The following SDK2 variants were observed in gnomAD, a reference collection of about 807,000 sequenced individuals.
SDK2 encodes the protein sidekick cell adhesion molecule 2, also known as protein sidekick-2.
SDK2 carries 105 observed loss-of-function variants against 253.9 expected under a neutral mutation model. The observed-to-expected ratio is 0.41, with a 90% CI of 0.35 to 0.49. The LOEUF (loss-of-function observed/expected upper bound fraction) is 0.49, where lower values mean the gene tolerates loss of function less well. Ranked by LOEUF, SDK2 falls within the 20% of genes least tolerant of loss-of-function variation. The pLI, the probability that SDK2 is intolerant of heterozygous loss-of-function variation, is 0.06. For synonymous variants in SDK2, 1,249 were observed against 1,234.9 expected (o/e 1.01, Z -0.24); for missense variants, 2,608 against 3,003.0 (o/e 0.87, Z 3.07).
At chr17:73,497,003 T>C (rs2063846720) in intron 2 of SDK2, among the ~76,000 whole-genome samples, 1 of 152,192 alleles carries the variant, frequency 6.6e-6, no homozygotes, top group Non-Finnish European at 1.5e-5. Flanking sequence ...TTCAAGTAAT[T>C]CTCCTGCCTC....
At chr17:73,423,723 T>C (rs1004834428) in intron 13 of SDK2, among the ~76,000 whole-genome samples, 193 bp downstream of exon 13, 1 of 152,184 alleles carries the variant, frequency 6.6e-6, no homozygotes, top group Admixed American at 6.5e-5. Context: ...CACACCCCCC[T>C]GCTCTTGACG....
In SDK2 at chr17:73,609,584, G is replaced by GGAGCCTT. The variant is rs2045949097; in HGVS notation, c.64+34440_64+34441insAAGGCTC. Among the ~76,000 whole-genome samples the GGAGCCTT allele has an allele frequency of 6.6e-6, 1 of 152,174 alleles. No individual in the cohort carries two copies. Among genetic ancestry groups the GGAGCCTT allele is most frequent in the Non-Finnish European group, 1.5e-5 (1 of 68,032 alleles). On this transcript the variant is annotated intron_variant, in intron 1 of 44. Transcript: ENST00000392650. The surrounding 1 kb of genome is among the most constrained non-coding windows in gnomAD (Gnocchi z 4.4). ...AAAGACATGCAGTGGAAGCTGACAG[G>GGAGCCTT]GAAAACGGCTCAAGAGAAGGTTTGT...
chr17:73,628,417 G>A (rs1293256482), intron 1 of SDK2, among the ~76,000 whole-genome samples: 1 of 152,250 alleles, frequency 6.6e-6, no homozygotes, highest in East Asian at 1.9e-4. Context: ...TGAGAGGATT[G>A]GAGGGGCAGA....
Position 73,643,997 on chromosome 17 carries a change from C to G in SDK2, c.64+28G>C. The G allele has an allele frequency of 1.3e-6, 2 of 1,531,978 alleles. No homozygotes were observed. Among genetic ancestry groups the G allele is most frequent in the South Asian group, 1.2e-5 (1 of 83,464 alleles). The allele number at this position is 1,531,978 out of a possible 1,614,324, so 94.9% of individuals were successfully genotyped here. On this transcript the variant is annotated intron_variant, in intron 1 of 44. Coordinates refer to ENST00000392650, the MANE Select transcript of SDK2 (RefSeq NM_001144952.2). The surrounding 1 kb of genome is among the most constrained non-coding windows in gnomAD (Gnocchi z 6.9). The stretch of plus-strand genomic sequence containing the variant: ...CCCGCCCACTCTCCCAGCCCCCTCC[C>G]TGTCCCCACGTGGGGGTCCCTCCTT...
At chr17:73,502,495 C>G (rs777455143) in intron 2 of SDK2, among the ~76,000 whole-genome samples, 1 of 152,142 alleles carries the variant, frequency 6.6e-6, no homozygotes, top group African/African-American at 2.4e-5. Context: ...TTCAAAGGAC[C>G]CATGCTCCAG....
chr17:73,421,573 CTTT>C lies in SDK2; in HGVS notation c.2045+711_2045+713del, dbSNP rs36068491. 2.9e-3 allele frequency among the ~76,000 whole-genome samples: 265 copies of C among 90,768 alleles called. 2 individuals carry two copies. Among genetic ancestry groups the C allele is most frequent in the African/African-American group, 0.011 (250 of 22,178 alleles). The allele number at this position is 90,768 out of a possible 152,430, so 59.5% of individuals were successfully genotyped here. A position where few individuals can be genotyped will look rare whatever the true frequency, so the allele number is the denominator to read the frequency against. On this transcript the variant is annotated intron_variant, in intron 15 of 44. Coordinates refer to ENST00000392650, the MANE Select transcript of SDK2 (RefSeq NM_001144952.2). ...TCTGCAGCTTTTATTCAATTTCCAT[CTTT>C]TTTTTTTTTTTTTTTTTTTGAGACA...
In SDK2 at chr17:73,455,342, G is replaced by A. The variant is rs1436329686; in HGVS notation, c.479+564C>T. On this transcript the variant is annotated intron_variant, in intron 4 of 44. Coordinates refer to ENST00000392650, the MANE Select transcript of SDK2 (RefSeq NM_001144952.2). The surrounding 1 kb of genome is among the most constrained non-coding windows in gnomAD (Gnocchi z 5.0). ...GCTCCATCCTCCTGCCCACAGGCTG[G>A]GCTGCCCCAGCCAATCCCAGGGGGC... 6.6e-6 allele frequency among the ~76,000 whole-genome samples: 1 copy of A among 152,172 alleles called. No homozygotes were observed. Among genetic ancestry groups the A allele is most frequent in the Non-Finnish European group, 1.5e-5 (1 of 68,006 alleles).
Position 73,381,414 on chromosome 17 carries a change from C to CA in SDK2, c.4706-465dup, listed in dbSNP as rs879356942. 4.2e-3 allele frequency among the ~76,000 whole-genome samples: 581 copies of CA among 137,946 alleles called. 6 individuals are homozygous for CA. Among genetic ancestry groups the CA allele is most frequent in the African/African-American group, 0.012 (467 of 37,636 alleles). 90.5% of individuals were successfully genotyped at this position (137,946 alleles called of 152,430 possible). A position where few individuals can be genotyped will look rare whatever the true frequency, so the allele number is the denominator to read the frequency against. On this transcript the variant is annotated intron_variant, in intron 33 of 44. Coordinates refer to ENST00000392650, the MANE Select transcript of SDK2 (RefSeq NM_001144952.2). ...AATCACAACCACAAGCACATATGGG[C>CA]AAAAAAAAAAAGAAGGAAAAAAAGT...
intron 33 of SDK2, among the ~76,000 whole-genome samples, chr17:73,382,049 T>C (rs1344011509): frequency 1.3e-5 from 2 of 152,106 alleles, no homozygotes; most frequent in African/African-American, 4.8e-5. Flanking sequence ...ACCCCGTTTC[T>C]ACTAAAATTA....
chr17:73,357,688 T>G, intron 40 of SDK2: 1 of 322,468 alleles, frequency 3.1e-6, no homozygotes. Context: ...GAGACAGCCA[T>G]GATGGCAGAG....
At chr17:73,419,391 C>T (rs1379815643) in intron 15 of SDK2, 85 bp from the exon 16 acceptor site, 4 of 1,455,620 alleles carry the variant, frequency 2.7e-6, no homozygotes, top group South Asian at 1.2e-5. Flanking sequence ...CCCTGGCCTG[C>T]TCTGACTCTG....
chr17:73,619,648 A>T (rs936519325), intron 1 of SDK2, among the ~76,000 whole-genome samples: 2 of 152,286 alleles, frequency 1.3e-5, no homozygotes, highest in South Asian at 4.1e-4. Flanking sequence ...AGAAGAAAAC[A>T]TGGGGTTAAA....
At chr17:73,384,322 C>T (rs1039419559) in intron 32 of SDK2, among the ~76,000 whole-genome samples, 1 of 152,154 alleles carries the variant, frequency 6.6e-6, no homozygotes, top group Non-Finnish European at 1.5e-5. Context: ...CTGGAGCACA[C>T]AGCTGTTTTC....
At chr17:73,544,114 G>A (rs1599665434) in intron 1 of SDK2, among the ~76,000 whole-genome samples, 6 of 152,338 alleles carry the variant, frequency 3.9e-5, no homozygotes, top group East Asian at 3.9e-4. Context: ...AGATGCTAAA[G>A]GTTTATCCCA....
chr17:73,377,209 CT>C lies in SDK2; in HGVS notation c.4980+1967del, dbSNP rs1255018965. On this transcript the variant is annotated intron_variant, in intron 36 of 44. Transcript: ENST00000392650. ...CTCTTCCAACCAGACAGACACATTC[CT>C]TTTTTTTTTTTCTTTTTTTTTTTTT... Among the ~76,000 whole-genome samples the C allele has an allele frequency of 9.0e-3, 1,293 of 143,452 alleles. 14 individuals are homozygous for C. The highest frequency in any genetic ancestry group is 0.029 in the African/African-American group (1,161 of 39,384). The allele number at this position is 143,452 out of a possible 152,430, so 94.1% of individuals were successfully genotyped here.
chr17:73,503,852 T>C (rs1207721727), intron 2 of SDK2, among the ~76,000 whole-genome samples: 3 of 152,186 alleles, frequency 2.0e-5, no homozygotes, highest in East Asian at 1.9e-4. Flanking sequence ...CCTGGGACTT[T>C]CTAAGTGAAA....
In SDK2 at chr17:73,616,729, C is replaced by A. The variant is rs112783924; in HGVS notation, c.64+27296G>T. On this transcript the variant is annotated intron_variant, in intron 1 of 44. Coordinates refer to ENST00000392650, the MANE Select transcript of SDK2 (RefSeq NM_001144952.2). This position sits in a 1 kb window ranked among gnomAD's most constrained non-coding sequence, Gnocchi z 5.2. Reference sequence around the variant, plus strand: ...GAAGCCACTTTCCTCCTGGGCCCAGCCCTTAGAGAGGTGCCTGAGAGGTGA... The same window carrying A: ...GAAGCCACTTTCCTCCTGGGCCCAGACCTTAGAGAGGTGCCTGAGAGGTGA... 6.6e-6 allele frequency among the ~76,000 whole-genome samples: 1 copy of A among 152,168 alleles called. No individual in the cohort carries two copies. The highest frequency in any genetic ancestry group is 1.9e-4 in the East Asian group (1 of 5,188).
intron 18 of SDK2, among the ~76,000 whole-genome samples, chr17:73,402,783 A>T (rs983761150): frequency 2.6e-5 from 4 of 151,602 alleles, no homozygotes; most frequent in Non-Finnish European, 2.9e-5. Flanking sequence ...CCTGTATTTT[A>T]TTTTATTATT....
At chr17:73,487,957 A>C (rs1265821194) in intron 2 of SDK2, among the ~76,000 whole-genome samples, 2 of 152,194 alleles carry the variant, frequency 1.3e-5, no homozygotes, top group Non-Finnish European at 2.9e-5. Flanking sequence ...ACCTCAGACA[A>C]GGGATAGAAC....
Sources: allele counts gnomAD v4.1 joint callset (sites outside exome capture counted in the v4.1 genomes callset), GRCh38; gene constraint gnomAD v4.1.1; non-coding constraint Gnocchi (gnomAD v3.1); transcripts MANE v1.5; gene names NCBI Gene and HGNC (gene_info 2026-07-23, HGNC 2026-07-21).